ARSB: variants seen among roughly 807,000 people sequenced by gnomAD.
ARSB encodes arylsulfatase B.
A neutral mutation model predicts 50.9 loss-of-function variants in ARSB; 41 were observed. The observed-to-expected ratio is 0.81, with a 90% confidence interval of 0.63 to 1.04. The LOEUF is 1.04. Among genes scored for constraint, ARSB ranks in the 50% least tolerant of loss-of-function variants. The pLI is 0.00. For missense variants in ARSB, 672 were observed against 693.3 expected, an observed-to-expected ratio of 0.97 and a Z score of 0.35; for synonymous variants, 269 against 284.8, an observed-to-expected ratio of 0.94 and a Z score of 0.56.
intron 4 of ARSB, among the ~76,000 whole-genome samples, chr5:78,902,915 G>A (rs1748871207): frequency 6.6e-6 from 1 of 151,980 alleles, no homozygotes; most frequent in Non-Finnish European, 1.5e-5. Flanking sequence ...TGAATTTCAT[G>A]GTATATGAAT....
At chr5:78,799,237 C>A (rs768670835) in intron 6 of ARSB, among the ~76,000 whole-genome samples, 5 of 152,184 alleles carry the variant, frequency 3.3e-5, no homozygotes, top group African/African-American at 9.6e-5. Context: ...AGAGGGCACC[C>A]GCCTCAAGTG....
chr5:78,888,884 T>G (rs1004111591), intron 4 of ARSB, among the ~76,000 whole-genome samples: 1 of 152,250 alleles, frequency 6.6e-6, no homozygotes, highest in Admixed American at 6.5e-5. Context: ...CAATAAGCGA[T>G]TCTATCAACA....
At chr5:78,894,259 T>G (rs948160678) in intron 4 of ARSB, among the ~76,000 whole-genome samples, 1 of 152,238 alleles carries the variant, frequency 6.6e-6, no homozygotes, top group Non-Finnish European at 1.5e-5. Context: ...GAAATTTATG[T>G]CAATGTGTTT....
intron 5 of ARSB, among the ~76,000 whole-genome samples, chr5:78,852,797 T>G (rs1745896231): frequency 6.6e-6 from 1 of 152,316 alleles, no homozygotes; most frequent in African/African-American, 2.4e-5. Flanking sequence ...CTCGCTTCAT[T>G]TCATTCATTT....
chr5:78,847,817 C>G (rs1198485528), intron 5 of ARSB, among the ~76,000 whole-genome samples: 1 of 151,978 alleles, frequency 6.6e-6, no homozygotes, highest in Non-Finnish European at 1.5e-5. Flanking sequence ...ATGAATTTAT[C>G]CATTTCCACT....
intron 6 of ARSB, among the ~76,000 whole-genome samples, chr5:78,797,018 C>T (rs978882854): frequency 2.0e-5 from 3 of 151,764 alleles, no homozygotes; most frequent in African/African-American, 4.8e-5. Flanking sequence ...GCTGGGACTA[C>T]AGGCGCCCGC....
At chr5:78,931,581 AG>A (rs1750330127) in intron 4 of ARSB, among the ~76,000 whole-genome samples, 1 of 152,110 alleles carries the variant, frequency 6.6e-6, no homozygotes, top group African/African-American at 2.4e-5. Context: ...AAACACAATC[AG>A]CCCATTTTTA....
intron 4 of ARSB, among the ~76,000 whole-genome samples, chr5:78,945,772 C>A (rs1751201615): frequency 6.6e-6 from 1 of 152,136 alleles, no homozygotes; most frequent in Non-Finnish European, 1.5e-5. Context: ...GCTCTCCCAA[C>A]CTCCCTGTCT....
intron 4 of ARSB, among the ~76,000 whole-genome samples, chr5:78,947,397 A>G (rs1751288599): frequency 6.6e-6 from 1 of 152,200 alleles, no homozygotes; most frequent in Admixed American, 6.5e-5. Context: ...AGGGACAAAT[A>G]ACCAGACTAT....
At chr5:78,912,303 T>C (rs1283317350) in intron 4 of ARSB, among the ~76,000 whole-genome samples, 2 of 152,202 alleles carry the variant, frequency 1.3e-5, no homozygotes, top group Non-Finnish European at 1.5e-5. Context: ...CAGCAAGCTG[T>C]TTCTCATACT....
intron 4 of ARSB, among the ~76,000 whole-genome samples, chr5:78,935,621 C>T (rs1266995762): frequency 1.3e-5 from 2 of 152,080 alleles, no homozygotes; most frequent in Non-Finnish European, 2.9e-5. Context: ...AAAAAGCAAA[C>T]CGGAGACCAA....
In ARSB at chr5:78,812,302, C is replaced by T. The variant is rs138160896; in HGVS notation, c.1213+27054G>A. On this transcript the variant is annotated intron_variant, in intron 6 of 7. Coordinates refer to ENST00000264914, the MANE Select transcript of ARSB (RefSeq NM_000046.5). ...ACTGAACAGGAAGGAAAACAATACC[C>T]TGGAGGGCACAGCCCCCTAGCCCAA... 2.2e-4 allele frequency among the ~76,000 whole-genome samples: 34 copies of T among 152,256 alleles called. No individual in the cohort carries two copies. In the East Asian group the frequency reaches 6.2e-3, roughly 28 times the overall value.
chr5:78,800,108 A>G (rs1262612795), intron 6 of ARSB, among the ~76,000 whole-genome samples: 2 of 152,234 alleles, frequency 1.3e-5, no homozygotes, highest in African/African-American at 4.8e-5. Context: ...ACTTGAGGTC[A>G]GGAGTTCAAG....
intron 6 of ARSB, among the ~76,000 whole-genome samples, chr5:78,814,501 C>T (rs771252822): frequency 2.0e-5 from 3 of 150,838 alleles, no homozygotes; most frequent in Non-Finnish European, 3.0e-5. Context: ...TTTTTCCCAA[C>T]TGAAATGGTC....
intron 4 of ARSB, among the ~76,000 whole-genome samples, chr5:78,932,568 C>T (rs1440986869): frequency 6.6e-6 from 1 of 152,214 alleles, no homozygotes; most frequent in East Asian, 1.9e-4. Context: ...AGCCTACTGA[C>T]ACAGTGATTA....
At chr5:78,959,865 G>T (rs1403289895) in intron 3 of ARSB, among the ~76,000 whole-genome samples, 1 of 152,118 alleles carries the variant, frequency 6.6e-6, no homozygotes, top group African/African-American at 2.4e-5. Context: ...GGACTCCAAG[G>T]TTCTCCAATC....
intron 7 of ARSB, among the ~76,000 whole-genome samples, chr5:78,781,154 A>C (rs192217443): frequency 1.3e-5 from 2 of 152,268 alleles, no homozygotes; most frequent in African/African-American, 4.8e-5. Flanking sequence ...TTCCCCAGCT[A>C]TACCACTGGT....
intron 4 of ARSB, among the ~76,000 whole-genome samples, chr5:78,901,283 A>T (rs1032643977): frequency 2.0e-5 from 3 of 152,160 alleles, no homozygotes; most frequent in Admixed American, 6.5e-5. Context: ...TCCAGGCTTT[A>T]GGGCATGTTT....
At chr5:78,813,763 A>C (rs1743897875) in intron 6 of ARSB, among the ~76,000 whole-genome samples, 1 of 148,772 alleles carries the variant, frequency 6.7e-6, no homozygotes, top group Non-Finnish European at 1.5e-5. Flanking sequence ...CTCACAAAAC[A>C]AAAAAAAAAG....
Sources: gnomAD v4.1 joint callset for allele counts (sites outside exome capture counted in the v4.1 genomes callset) on GRCh38, gnomAD v4.1.1 for gene constraint, MANE v1.5 for transcripts, NCBI Gene and HGNC (gene_info 2026-07-23, HGNC 2026-07-21) for gene names.